CLCA1: variants seen among roughly 807,000 people sequenced by gnomAD.
CLCA1 encodes the protein calcium-activated chloride channel regulator 1.
Under a neutral mutation model 85.6 loss-of-function variants are expected in CLCA1, and 59 were observed. The observed-to-expected ratio is 0.69, with a 90% CI of 0.56 to 0.86. CLCA1 has a LOEUF of 0.86. Among genes scored for constraint, CLCA1 ranks in the 40% least tolerant of loss-of-function variants. CLCA1 has a pLI of 0.00. For synonymous variants in CLCA1, 396 were observed against 398.3 expected, an observed-to-expected ratio of 0.99 and a Z score of 0.07; for missense variants, 1,022 against 1,101.4, an observed-to-expected ratio of 0.93 and a Z score of 1.02.
chr1:86,472,244 A>G (rs1647523133), intron 1 of CLCA1, among the ~76,000 whole-genome samples: 1 of 151,934 alleles, frequency 6.6e-6, no homozygotes, highest in Non-Finnish European at 1.5e-5. Flanking sequence ...TATTTATTCC[A>G]CTACTAGGGC....
In CLCA1 at chr1:86,498,719, G is replaced by A; in HGVS notation, c.2261G>A (p.Gly754Asp). ...NAPIPDLFPP[G>D]QITDLKAEIH... ...CCCATACCTGATCTCTTCCCACCTG[G>A]CCAAATCACCGACCTGAAGGCGGAA... Residue 754 changes from glycine to aspartate, a missense_variant, in exon 13 of 14, where the codon GGC becomes GAC. Gly to Asp is a moderately conservative substitution (Grantham distance 94, BLOSUM62 -1). Coordinates refer to ENST00000394711, the MANE Select transcript of CLCA1 (RefSeq NM_001285.4). 6.2e-7 allele frequency: 1 copy of A among 1,614,024 alleles called. No individual in the cohort carries two copies. The highest frequency in any genetic ancestry group is 1.1e-5 in the South Asian group (1 of 91,070).
chr1:86,476,602 C>A, intron 4 of CLCA1, 49 bp downstream of exon 4: 1 of 905,418 alleles, frequency 1.1e-6, no homozygotes. Context: ...AAATTGCAAC[C>A]TTTTTTTCTT....
rs747076330 is a variant in CLCA1 at position 86,499,836 on chromosome 1, G to C, written c.2536G>C (p.Ala846Pro). The change falls in exon 14 of 14, where the codon GCT (alanine) becomes CCT (proline). Residue 846 changes from alanine (A) to proline (P), a missense_variant. By Grantham distance (27) the Ala-to-Pro change is conservative. Transcript: ENST00000394711. ...NGTDLFIAIQ[A>P]VDKVDLKSEI... Reference sequence around the variant, plus strand: ...CACAGATCTTTTCATTGCTATTCAGGCTGTTGATAAGGTCGATCTGAAATC... The same window carrying C: ...CACAGATCTTTTCATTGCTATTCAGCCTGTTGATAAGGTCGATCTGAAATC... The C allele has an allele frequency of 6.2e-7, 1 of 1,612,888 alleles. No individual in the cohort carries two copies. The highest frequency in any genetic ancestry group is 1.3e-5 in the African/African-American group (1 of 74,886).
chr1:86,495,749 G>A lies in CLCA1; in HGVS notation c.2113+74G>A, dbSNP rs1243876897. The A allele has an allele frequency of 2.6e-5, 35 of 1,348,308 alleles. No homozygotes were observed. The Admixed American group carries it at 6.2e-4, about 24-fold the overall frequency. 83.5% of individuals were successfully genotyped at this position (1,348,308 alleles called of 1,614,324 possible). On this transcript the variant is annotated intron_variant, in intron 12 of 13. Transcript: ENST00000394711. Reference sequence around the variant, plus strand: ...CAAGAGGAAACTATTAAGCCTGTGGGGCAGAATGGTGCATGATTAAATCAG... The same window carrying A: ...CAAGAGGAAACTATTAAGCCTGTGGAGCAGAATGGTGCATGATTAAATCAG...
chr1:86,495,717 T>C (rs763191484), intron 12 of CLCA1, 42 bp downstream of exon 12: 18 of 1,554,232 alleles, frequency 1.2e-5, no homozygotes, highest in Admixed American at 1.1e-4. Flanking sequence ...TGCAAAAGCA[T>C]TGGTTTCAAG....
chr1:86,498,937 C>A, intron 13 of CLCA1, 126 bp downstream of exon 13: 1 of 1,034,864 alleles, frequency 9.7e-7, no homozygotes, highest in Non-Finnish European at 1.4e-6. Flanking sequence ...TCTTGCCGGT[C>A]CTTTGAAATG....
rs1648421173 is a variant in CLCA1, at chr1:86,500,209, T to C, written c.*164T>C. On this transcript the variant is annotated 3_prime_UTR_variant, in exon 14 of 14. Coordinates refer to ENST00000394711, the MANE Select transcript of CLCA1 (RefSeq NM_001285.4). ...TGTAGGGGGCGATATACTAAATGTA[T>C]TTTAGACTTCCTGTAGGGGGCGATA... is the stretch of plus-strand genomic sequence containing the variant. 3 of 541,766 alleles carry C rather than the reference T, an allele frequency of 5.5e-6. No homozygotes were observed. The highest frequency in any genetic ancestry group is 9.8e-6 in the Non-Finnish European group (3 of 305,390). 33.6% of individuals were successfully genotyped at this position (541,766 alleles called of 1,614,324 possible). A position where few individuals can be genotyped will look rare whatever the true frequency, so the allele number is the denominator to read the frequency against.
At chr1:86,474,426 C>T (rs1402376584) in intron 3 of CLCA1, among the ~76,000 whole-genome samples, 1 of 151,980 alleles carries the variant, frequency 6.6e-6, no homozygotes, top group Non-Finnish European at 1.5e-5. Flanking sequence ...TGGTGGCGGA[C>T]GCCTGTAGTC....
At chr1:86,486,790 G>C in intron 7 of CLCA1, 37 bp downstream of exon 7, 1 of 1,579,820 alleles carries the variant, frequency 6.3e-7, no homozygotes, top group Non-Finnish European at 8.7e-7. Flanking sequence ...TGGAATGTTT[G>C]CAATTTATGT....
intron 1 of CLCA1, among the ~76,000 whole-genome samples, chr1:86,472,477 T>G (rs1247810880): frequency 6.6e-6 from 1 of 152,180 alleles, no homozygotes; most frequent in Non-Finnish European, 1.5e-5. Context: ...GGGCTCAGTC[T>G]TCAGCCTCTT....
At chr1:86,487,540 A>C (rs990144398) in intron 7 of CLCA1, among the ~76,000 whole-genome samples, 2 of 152,158 alleles carry the variant, frequency 1.3e-5, no homozygotes, top group African/African-American at 4.8e-5. Flanking sequence ...CTTGGATCTT[A>C]TACTGTGTTC....
intron 13 of CLCA1, 51 bp from the exon 14 acceptor site, chr1:86,499,603 G>C: frequency 8.1e-7 from 1 of 1,237,970 alleles, no homozygotes; most frequent in Non-Finnish European, 1.1e-6. Context: ...TGCTTAAGAA[G>C]TTTCTTTAAT....
chr1:86,488,727 C>A (rs893659449), intron 7 of CLCA1, among the ~76,000 whole-genome samples: 2 of 152,158 alleles, frequency 1.3e-5, no homozygotes, highest in African/African-American at 4.8e-5. Context: ...TTTGCTGTTT[C>A]CCCAGTGCTG....
intron 4 of CLCA1, among the ~76,000 whole-genome samples, chr1:86,476,842 C>T (rs1242169958): frequency 1.3e-5 from 2 of 152,096 alleles, no homozygotes; most frequent in Non-Finnish European, 2.9e-5. Context: ...GTGTCTCCAT[C>T]ATCCCATACC....
chr1:86,499,057 T>C (rs967070591), intron 13 of CLCA1, among the ~76,000 whole-genome samples: 1 of 152,206 alleles, frequency 6.6e-6, no homozygotes, highest in Non-Finnish European at 1.5e-5. Context: ...TTCTGAAATC[T>C]TACCAAACTG....
intron 12 of CLCA1, among the ~76,000 whole-genome samples, chr1:86,497,433 T>C (rs1332564987): frequency 6.6e-6 from 1 of 152,222 alleles, no homozygotes; most frequent in Admixed American, 6.5e-5. Flanking sequence ...TAATGCCATG[T>C]TAGGATCTTA....
At chr1:86,470,021 A>G (rs1415286788) in intron 1 of CLCA1, among the ~76,000 whole-genome samples, 2 of 152,210 alleles carry the variant, frequency 1.3e-5, no homozygotes, top group Non-Finnish European at 2.9e-5. Context: ...AACTTTAAAA[A>G]ATAACTTTAA....
rs370537634 is a variant in CLCA1 at position 86,494,441 on chromosome 1, T to A, written c.1935T>A (p.Asn645Lys). The change falls in exon 11 of 14, where the codon AAT becomes AAA. Residue 645 changes from asparagine to lysine, a missense_variant. Transcript: ENST00000394711. ...GKTVTLELLD[N>K]GAGADATKDD... ...CAGTTACCTTGGAACTACTGGATAA[T>A]GGAGCAGGTAATCACCCAAGAAATT... The A allele has an allele frequency of 6.2e-7, 1 of 1,613,890 alleles. No homozygotes were observed. The highest frequency in any genetic ancestry group is 2.2e-5 in the East Asian group (1 of 44,888).
At chr1:86,485,606 T>C (rs765452352) in intron 6 of CLCA1, 45 bp downstream of exon 6, 4 of 1,553,932 alleles carry the variant, frequency 2.6e-6, no homozygotes, top group Admixed American at 1.7e-5. Context: ...GTCACAGATA[T>C]GCATGTTCTG....
Sources: allele counts gnomAD v4.1 joint callset (sites outside exome capture counted in the v4.1 genomes callset), GRCh38; gene constraint gnomAD v4.1.1; transcripts MANE v1.5; gene names NCBI Gene and HGNC (gene_info 2026-07-23, HGNC 2026-07-21).